The following ANK2 variants were observed in gnomAD, a reference collection of about 807,000 sequenced individuals.
ANK2 encodes the protein ankyrin 2.
In ANK2, 83 loss-of-function variants were observed where a neutral mutation model predicts 360.5. The observed-to-expected ratio is 0.23, with a 90% confidence interval of 0.19 to 0.28. ANK2 has a LOEUF of 0.28. ANK2 is among the 10% of genes least tolerant of loss of function. The pLI is 1.00. For synonymous variants in ANK2, 1,740 were observed against 1,759.5 expected (o/e 0.99, Z 0.28); for missense variants, 4,201 against 4,795.7 (o/e 0.88, Z 3.66).
the ANK2 span, among the ~76,000 whole-genome samples, chr4:112,734,090 T>C: frequency 6.6e-6 from 1 of 152,316 alleles, no homozygotes; most frequent in South Asian, 2.1e-4. Context: ...AGATTACTTA[T>C]ATGATGTGGT....
chr4:113,014,574 T>G (rs548796729), intron 2 of ANK2, among the ~76,000 whole-genome samples: 81 of 152,278 alleles, frequency 5.3e-4, no homozygotes, highest in African/African-American at 1.8e-3. Context: ...CTGGTTGGTT[T>G]GTTTGGGGTA....
the ANK2 span, among the ~76,000 whole-genome samples, chr4:112,759,302 T>TA: frequency 7.3e-5 from 11 of 151,510 alleles, no homozygotes; most frequent in East Asian, 1.9e-4. Flanking sequence ...TGCCTGTAAA[T>TA]AAAAAAAAAT....
chr4:113,102,592 A>C (rs2093038969), intron 1 of ANK2, among the ~76,000 whole-genome samples: 1 of 152,198 alleles, frequency 6.6e-6, no homozygotes, highest in Admixed American at 6.5e-5. Context: ...GAAGCAAAGC[A>C]GAAAGACCAT....
At chr4:112,862,006 T>C (rs1012601232) in intron 1 of ANK2, among the ~76,000 whole-genome samples, 2 of 152,230 alleles carry the variant, frequency 1.3e-5, no homozygotes, top group African/African-American at 4.8e-5. Flanking sequence ...TAATGTGCCA[T>C]ACTGACTGAG....
chr4:112,738,509 C>T, the ANK2 span, among the ~76,000 whole-genome samples: 1 of 151,006 alleles, frequency 6.6e-6, no homozygotes, highest in South Asian at 2.1e-4. Context: ...CCTTACTTAA[C>T]AGGTGCTGTG....
At chr4:112,824,136 C>CATCTATCTATCTATCTATCT (rs35729539) in intron 1 of ANK2, among the ~76,000 whole-genome samples, 6 of 148,062 alleles carry the variant, frequency 4.1e-5, no homozygotes, top group South Asian at 2.2e-4. Flanking sequence ...AGGTCTTCAG[C>CATCTATCTATCTATCTATCT]ATCTATCTAT....
rs905551403 is a variant in ANK2, at chr4:113,335,767, C to T, written c.3380-79C>T. 78 of 1,410,242 alleles carry T rather than the reference C, an allele frequency of 5.5e-5. No homozygotes were observed. The East Asian group carries it at 6.2e-4, about 11-fold the overall frequency. 87.4% of individuals were successfully genotyped at this position (1,410,242 alleles called of 1,614,324 possible). On this transcript the variant is annotated intron_variant, in intron 29 of 45. Coordinates refer to ENST00000357077, the MANE Select transcript of ANK2 (RefSeq NM_001148.6). ...GCTGGCACTTCTGTTCATTATTAAC[C>T]GAGCGAATGAGTTGGCTAGAATGCT...
At chr4:113,336,328 A>C (rs1292949319) in intron 30 of ANK2, 1 of 584,542 alleles carries the variant, frequency 1.7e-6, no homozygotes, top group African/African-American at 1.9e-5. Flanking sequence ...TTAAATGAGA[A>C]ATAAATTGTT....
chr4:113,304,815 A>G (rs533680334), intron 23 of ANK2, among the ~76,000 whole-genome samples: 10 of 152,330 alleles, frequency 6.6e-5, no homozygotes, highest in African/African-American at 2.2e-4. Flanking sequence ...AATTTTGCAT[A>G]TAAGGAAAAA....
chr4:112,979,131 T>A (rs1321870964), intron 2 of ANK2, among the ~76,000 whole-genome samples: 1 of 152,226 alleles, frequency 6.6e-6, no homozygotes, highest in Non-Finnish European at 1.5e-5. Context: ...CCCAGCAGGC[T>A]GTGCTTGGCT....
intron 1 of ANK2, among the ~76,000 whole-genome samples, chr4:112,891,679 A>G (rs1489090116): frequency 6.6e-6 from 1 of 152,178 alleles, no homozygotes; most frequent in Non-Finnish European, 1.5e-5. Context: ...TATAAAATAA[A>G]AATAATATTA....
chr4:113,042,154 A>C (rs1212095669), intron 2 of ANK2, among the ~76,000 whole-genome samples: 2 of 152,134 alleles, frequency 1.3e-5, no homozygotes, highest in South Asian at 4.1e-4. Flanking sequence ...CAGATAGAAC[A>C]AAAAGGGAGA....
chr4:113,014,251 C>T (rs1363767104), intron 2 of ANK2, among the ~76,000 whole-genome samples: 1 of 152,150 alleles, frequency 6.6e-6, no homozygotes, highest in Non-Finnish European at 1.5e-5. Context: ...TCAAGCTGCT[C>T]ATAGTCTAAA....
Position 113,358,965 on chromosome 4 carries a change from T to C in ANK2, c.10347T>C (p.Thr3449=). The C allele has an allele frequency of 1.9e-6, 3 of 1,614,046 alleles. No homozygotes were observed. The change falls in exon 38 of 46, where the codon ACT becomes ACC. Residue 3449 remains threonine (T), a synonymous_variant. Transcript: ENST00000357077. ...TSRLPVKSRS[T]TSSCRGGTSP... ...GATTGCCAGTTAAGAGCAGAAGCACTACATCTTCCTGCAGGGGGGGCACGA... is the reference window on the plus strand; with the variant it reads ...GATTGCCAGTTAAGAGCAGAAGCACCACATCTTCCTGCAGGGGGGGCACGA...
intron 17 of ANK2, among the ~76,000 whole-genome samples, chr4:113,279,871 C>T (rs957291469): frequency 5.3e-5 from 8 of 151,888 alleles, no homozygotes; most frequent in Admixed American, 3.9e-4. Context: ...CCTCTTTTTT[C>T]TACAACCTCA....
chr4:113,225,062 C>A lies in ANK2; in HGVS notation c.385-7099C>A, dbSNP rs540458785. Among the ~76,000 whole-genome samples the A allele has an allele frequency of 4.6e-5, 7 of 152,058 alleles. No individual in the cohort carries two copies. The South Asian group carries it at 1.0e-3, about 23-fold the overall frequency. On this transcript the variant is annotated intron_variant, in intron 4 of 45. Coordinates refer to ENST00000357077, the MANE Select transcript of ANK2 (RefSeq NM_001148.6). ...CTGCAGCAAAGACACTCATACTTCCCCTACAAACACCACATCTTTTGAGAG... is the reference window on the plus strand; with the variant it reads ...CTGCAGCAAAGACACTCATACTTCCACTACAAACACCACATCTTTTGAGAG...
rs1405855609 is a variant in ANK2, at chr4:113,367,559, C to A, written c.11033-7C>A. On this transcript the variant is annotated splice_polypyrimidine_tract_variant and splice_region_variant and intron_variant, in intron 41 of 45. Coordinates refer to ENST00000357077, the MANE Select transcript of ANK2 (RefSeq NM_001148.6). Reference sequence around the variant, plus strand: ...TCAACTAAATACTTAAATCATTCTGCCTTTAGGGTTCTCGGTACTTCAAGA... The same window carrying A: ...TCAACTAAATACTTAAATCATTCTGACTTTAGGGTTCTCGGTACTTCAAGA... The A allele has an allele frequency of 1.9e-6, 3 of 1,613,208 alleles. No homozygotes were observed. The highest frequency in any genetic ancestry group is 2.5e-6 in the Non-Finnish European group (3 of 1,179,714).
chr4:113,121,511 A>C (rs150961500), intron 1 of ANK2, among the ~76,000 whole-genome samples: 44 of 152,298 alleles, frequency 2.9e-4, no homozygotes, highest in Middle Eastern at 3.4e-3. Flanking sequence ...GGATTCTATC[A>C]AAATTGCACC....
At chr4:113,254,919 TA>T (rs1300888207) in intron 10 of ANK2, among the ~76,000 whole-genome samples, 4 of 152,228 alleles carry the variant, frequency 2.6e-5, no homozygotes, top group Non-Finnish European at 5.9e-5. Context: ...AATTGTTTTT[TA>T]AAATTTAGTT....
Sources: allele counts gnomAD v4.1 joint callset (sites outside exome capture counted in the v4.1 genomes callset), GRCh38; gene constraint gnomAD v4.1.1; transcripts MANE v1.5; gene names NCBI Gene and HGNC (gene_info 2026-07-23, HGNC 2026-07-21).